Variants in NSMF observed in about 807,000 individuals in gnomAD.
NSMF encodes the protein nasal embryonic LHRH factor.
NSMF carries 31 observed loss-of-function variants against 71.0 expected under a neutral mutation model. That is an observed-to-expected ratio of 0.44 (90% CI 0.33 to 0.59). The LOEUF (loss-of-function observed/expected upper bound fraction) is 0.59. NSMF is among the 20% of genes least tolerant of loss of function. The pLI, the probability that NSMF is intolerant of heterozygous loss-of-function variation, is 0.04. For missense variants in NSMF, 673 were observed against 740.5 expected (o/e 0.91, Z 1.06); for synonymous variants, 345 against 287.1 (o/e 1.20, Z -2.04).
intron 14 of NSMF, 71 bp from the exon 15 acceptor site, chr9:137,449,745 G>A (rs1839818049): frequency 2.1e-6 from 3 of 1,442,068 alleles, no homozygotes; most frequent in Non-Finnish European, 2.9e-6. Flanking sequence ...GAGATGGGGA[G>A]CAGGGCCCAC....
intron 14 of NSMF, 102 bp downstream of exon 14, chr9:137,449,821 G>T: frequency 7.5e-7 from 1 of 1,330,380 alleles, no homozygotes; most frequent in Non-Finnish European, 1.1e-6. Context: ...GGGAATGCCC[G>T]GGGGAAGGAA....
chr9:137,454,745 C>G lies in NSMF; in HGVS notation c.780-302G>C, dbSNP rs993239265. Reference sequence around the variant, plus strand: ...ACCTTCCGTCCTCGCCCGGGACTTACGCCCTGAGCCTCCACGCCCATGTGG... The same window carrying G: ...ACCTTCCGTCCTCGCCCGGGACTTAGGCCCTGAGCCTCCACGCCCATGTGG... On this transcript the variant is annotated intron_variant, in intron 6 of 15. Coordinates refer to ENST00000371475, the MANE Select transcript of NSMF (RefSeq NM_001130969.3). 1.7e-5 allele frequency: 25 copies of G among 1,460,332 alleles called. No individual in the cohort carries two copies. In the East Asian group the frequency reaches 5.1e-4, roughly 30 times the overall value. 90.5% of individuals were successfully genotyped at this position (1,460,332 alleles called of 1,614,324 possible).
Position 137,449,393 on chromosome 9 carries a change from CTCACAGGACGTCG to C in NSMF, c.1581_1593del (p.Asp527GlufsTer104). 1 of 1,612,336 alleles carries C rather than the reference CTCACAGGACGTCG, an allele frequency of 6.2e-7. No homozygotes were observed. The highest frequency in any genetic ancestry group is 8.5e-7 in the Non-Finnish European group (1 of 1,179,536). ...GGTGACTGGGCGGAGGCCTCTGCCC[CTCACAGGACGTCG>C]TCAAAGTCCAGCAGCTTCGAGTGCT... is the stretch of plus-strand genomic sequence containing the variant. On this transcript the variant is annotated frameshift_variant and stop_lost, in exon 16 of 16. Transcript: ENST00000371475. LOFTEE classifies it high-confidence loss of function.
intron 4 of NSMF, among the ~76,000 whole-genome samples, chr9:137,456,208 G>C (rs868812530): frequency 1.6e-5 from 2 of 123,676 alleles, no homozygotes; most frequent in East Asian, 2.8e-4. Flanking sequence ...GTGTGTGTGT[G>C]GGGGGGGGGG....
chr9:137,458,545 C>G lies in NSMF; in HGVS notation c.76G>C (p.Ala26Pro). 1 of 1,596,102 alleles carries G rather than the reference C, an allele frequency of 6.3e-7. No individual in the cohort carries two copies. The highest frequency in any genetic ancestry group is 8.5e-7 in the Non-Finnish European group (1 of 1,173,252). ...MSSVAAKVRA[A>P]RAFGEYLSQS... ...GACAGGTACTCTCCAAACGCTCGGGCTGCTCTGAGGGTGGACAGAGGGCAC... is the reference window on the plus strand; with the variant it reads ...GACAGGTACTCTCCAAACGCTCGGGGTGCTCTGAGGGTGGACAGAGGGCAC... The change falls in exon 2 of 16, where the codon GCC becomes CCC. Residue 26 changes from alanine (A) to proline (P), a missense_variant. This residue lies in a region of NSMF where 471 missense variants were observed against 459.6 expected (regional missense o/e 1.02). Transcript: ENST00000371475.
intron 7 of NSMF, 83 bp downstream of exon 7, chr9:137,454,308 T>G: frequency 7.3e-7 from 1 of 1,363,620 alleles, no homozygotes; most frequent in Non-Finnish European, 1.0e-6. Context: ...GCGGGGGTCG[T>G]TCTTATCGCA....
At chr9:137,451,071 T>A (rs1335631768) in intron 12 of NSMF, among the ~76,000 whole-genome samples, 13 of 12,490 alleles carry the variant, frequency 1.0e-3, no homozygotes, top group East Asian at 6.3e-3. Context: ...GATCTCCCCC[T>A]CCACACGCCT....
Position 137,449,230 on chromosome 9 carries a change from A to C in NSMF, c.*164T>G. On this transcript the variant is annotated 3_prime_UTR_variant, in exon 16 of 16. Coordinates refer to ENST00000371475, the MANE Select transcript of NSMF (RefSeq NM_001130969.3). Reference sequence around the variant, plus strand: ...AGCCTCTGCGGCCACGGGTGCAGCGAGGACCGGAACCCACAGGGGGAACCT... The same window carrying C: ...AGCCTCTGCGGCCACGGGTGCAGCGCGGACCGGAACCCACAGGGGGAACCT... 1.5e-6 allele frequency: 1 copy of C among 657,482 alleles called. No homozygotes were observed. The highest frequency in any genetic ancestry group is 2.7e-6 in the Non-Finnish European group (1 of 365,818). The allele number at this position is 657,482 out of a possible 1,614,324, so 40.7% of individuals were successfully genotyped here.
At chr9:137,456,225 AC>A in intron 4 of NSMF, 185 bp downstream of exon 4, 1 of 649,348 alleles carries the variant, frequency 1.5e-6, no homozygotes, top group Admixed American at 2.0e-5. Context: ...GGGGCTGGGC[AC>A]CAGCCATGGG....
chr9:137,453,783 G>C lies in NSMF; in HGVS notation c.870C>G (p.Ser290=). Residue 290 remains serine (S), a synonymous_variant, in exon 8 of 16, where the codon TCC becomes TCG. Coordinates refer to ENST00000371475, the MANE Select transcript of NSMF (RefSeq NM_001130969.3). This position sits in a 1 kb window ranked among gnomAD's most constrained non-coding sequence, Gnocchi z 4.5. ...AERRERSFSR[S]WSDPTPMKAD... Reference sequence around the variant, plus strand: ...CTTTCATGGGGGTGGGGTCGCTCCAGGACCGGCTGAAGCTCCGCTCGCGCC... The same window carrying C: ...CTTTCATGGGGGTGGGGTCGCTCCACGACCGGCTGAAGCTCCGCTCGCGCC... The C allele has an allele frequency of 6.2e-7, 1 of 1,600,354 alleles. No individual in the cohort carries two copies. Among genetic ancestry groups the C allele is most frequent in the Non-Finnish European group, 8.5e-7 (1 of 1,178,460 alleles).
At chr9:137,454,996 G>T (rs1012473828) in intron 6 of NSMF, 7 of 721,232 alleles carry the variant, frequency 9.7e-6, no homozygotes, top group Non-Finnish European at 1.8e-5. Flanking sequence ...GGGGGAGGGG[G>T]GCCTTGCTGC....
Position 137,453,259 on chromosome 9 carries a change from C to T in NSMF, c.923-79G>A. On this transcript the variant is annotated intron_variant, in intron 8 of 15. Coordinates refer to ENST00000371475, the MANE Select transcript of NSMF (RefSeq NM_001130969.3). The surrounding 1 kb of genome is among the most constrained non-coding windows in gnomAD (Gnocchi z 4.5). The stretch of plus-strand genomic sequence containing the variant: ...GGCCATGGCCCCAAGGCCCACAGGG[C>T]CCGAAAGCCCCATCCCGGAGGGTCC... 2 of 1,593,084 alleles carry T rather than the reference C, an allele frequency of 1.3e-6. No homozygotes were observed. The highest frequency in any genetic ancestry group is 1.7e-6 in the Non-Finnish European group (2 of 1,173,424).
intron 7 of NSMF, among the ~76,000 whole-genome samples, 169 bp downstream of exon 7, chr9:137,454,222 A>G (rs1295952140): frequency 3.8e-5 from 1 of 26,388 alleles, no homozygotes; most frequent in African/African-American, 1.5e-4. Flanking sequence ...CGTGGCTGGG[A>G]GGGGAGGAGC....
In NSMF at chr9:137,459,293, C is replaced by T. The variant is rs564473268; in HGVS notation, c.-191G>A. 253 of 213,646 alleles carry T rather than the reference C, an allele frequency of 1.2e-3. No homozygotes were observed. The highest frequency in any genetic ancestry group is 2.2e-3 in the Admixed American group (34 of 15,674). 13.2% of individuals were successfully genotyped at this position (213,646 alleles called of 1,614,324 possible). A position where few individuals can be genotyped will look rare whatever the true frequency, so the allele number is the denominator to read the frequency against. ...GGTCCCCGCATGGCCGCACCCGGCG[C>T]TCCGCGCGTGCCGCCGCTCCCGGGA... On this transcript the variant is annotated 5_prime_UTR_variant, in exon 1 of 16. Coordinates refer to ENST00000371475, the MANE Select transcript of NSMF (RefSeq NM_001130969.3).
chr9:137,449,472 C>T lies in NSMF; in HGVS notation c.1515G>A (p.Thr505=), dbSNP rs778638506. 3.2e-5 allele frequency: 52 copies of T among 1,612,754 alleles called. No homozygotes were observed. The highest frequency in any genetic ancestry group is 1.2e-4 in the African/African-American group (9 of 74,916). Residue 505 remains threonine, a synonymous_variant, in exon 16 of 16, where the codon ACG becomes ACA. Coordinates refer to ENST00000371475, the MANE Select transcript of NSMF (RefSeq NM_001130969.3). The part of the protein sequence containing the change: ...LSAQGKQMIE[T]YFDFRLYRLW... Reference sequence around the variant, plus strand: ...GGCGATACAACCGGAAGTCAAAGTACGTCTCGATCATCTGCTTCCCTGGGC... The same window carrying T: ...GGCGATACAACCGGAAGTCAAAGTATGTCTCGATCATCTGCTTCCCTGGGC...
At chr9:137,451,166 G>C (rs1225372517) in intron 12 of NSMF, among the ~76,000 whole-genome samples, 2 of 9,566 alleles carry the variant, frequency 2.1e-4, no homozygotes, top group African/African-American at 6.4e-4. Flanking sequence ...TGCCCTCCAC[G>C]CCTCTTCCCC....
chr9:137,458,956 C>A, intron 1 of NSMF, 76 bp downstream of exon 1: 1 of 1,160,218 alleles, frequency 8.6e-7, no homozygotes, highest in Non-Finnish European at 1.1e-6. Flanking sequence ...CCGGGGAGCA[C>A]CGCGGGGCAG....
rs1436914116 is a variant in NSMF, at chr9:137,459,247, G to T, written c.-145C>A. On this transcript the variant is annotated 5_prime_UTR_variant, in exon 1 of 16. Transcript: ENST00000371475. ...GCTCCGGCTCGGGCTTGGGCTCGGG[G>T]TCGGGCTCGGGGTCGGGCCCGGTCC... The T allele has an allele frequency of 4.1e-6, 2 of 492,528 alleles. No homozygotes were observed. Among genetic ancestry groups the T allele is most frequent in the Non-Finnish European group, 5.4e-6 (2 of 373,302 alleles). 30.5% of individuals were successfully genotyped at this position (492,528 alleles called of 1,614,324 possible).
rs1388976660 is a variant in NSMF, at chr9:137,459,082, C to T, written c.21G>A (p.Arg7=). 12 of 1,260,420 alleles carry T rather than the reference C, an allele frequency of 9.5e-6. No individual in the cohort carries two copies. The East Asian group carries it at 2.3e-4, about 24-fold the overall frequency. 78.1% of individuals were successfully genotyped at this position (1,260,420 alleles called of 1,614,324 possible). A position where few individuals can be genotyped will look rare whatever the true frequency, so the allele number is the denominator to read the frequency against. ...TGGCCTCGCTCCTCAGCGCCCTCCT[C>T]CTGGAGGCGGCGGCGCCCATGGTCG... The part of the protein sequence containing the change: MGAAAS[R]RRALRSEAMS... The change falls in exon 1 of 16, where the codon AGG becomes AGA. Residue 7 remains arginine, a synonymous_variant. Coordinates refer to ENST00000371475, the MANE Select transcript of NSMF (RefSeq NM_001130969.3).
Sources: gnomAD v4.1 joint callset for allele counts (sites outside exome capture counted in the v4.1 genomes callset) on GRCh38, gnomAD v4.1.1 for gene constraint, gnomAD v4.1.1 regional missense constraint, Gnocchi (gnomAD v3.1) non-coding constraint, MANE v1.5 for transcripts, NCBI Gene and HGNC (gene_info 2026-07-23, HGNC 2026-07-21) for gene names.